Variants in THRB observed in about 807,000 individuals in gnomAD.
The protein encoded by THRB is thyroid hormone receptor beta.
Under a neutral mutation model 47.8 loss-of-function variants are expected in THRB, and 12 were observed. The observed-to-expected ratio is 0.25, with a 90% CI of 0.16 to 0.41. The LOEUF (loss-of-function observed/expected upper bound fraction) is 0.41. Ranked by LOEUF, THRB falls within the 10% of genes least tolerant of loss-of-function variation. THRB has a pLI of 1.00. For synonymous variants in THRB, 218 were observed against 212.2 expected (o/e 1.03, Z -0.24); for missense variants, 348 against 589.2 (o/e 0.59, Z 4.24).
intron 1 of THRB, among the ~76,000 whole-genome samples, chr3:24,463,307 C>G (rs772196237): frequency 5.3e-5 from 8 of 152,198 alleles, no homozygotes; most frequent in Non-Finnish European, 7.3e-5. Context: ...GTAGCCCAGG[C>G]TGGAATGCAG....
chr3:24,258,163 G>T (rs1317377723), intron 3 of THRB, among the ~76,000 whole-genome samples: 1 of 152,174 alleles, frequency 6.6e-6, no homozygotes. Flanking sequence ...AGGCACAGAG[G>T]CTGGGGCCTC....
chr3:24,333,289 TA>T (rs2149392981), intron 2 of THRB, among the ~76,000 whole-genome samples: 1 of 152,270 alleles, frequency 6.6e-6, no homozygotes, highest in African/African-American at 2.4e-5. Context: ...GGAATCTGAC[TA>T]CACACATGTT....
chr3:24,123,035 T>G lies in THRB; in HGVS notation c.1235A>C (p.His412Pro). ...AFEHYINYRK[H>P]HVTHFWPKLL... Reference sequence around the variant, plus strand: ...TTTTGGCCAAAAGTGTGTCACGTGGTGTTTTCGGTAATTGATATAGTGTTC... The same window carrying G: ...TTTTGGCCAAAAGTGTGTCACGTGGGGTTTTCGGTAATTGATATAGTGTTC... Residue 412 changes from histidine to proline, a missense_variant, in exon 11 of 11, where the codon CAC becomes CCC. By Grantham distance (77) the His-to-Pro change is moderately conservative. Transcript: ENST00000646209. The G allele has an allele frequency of 6.2e-7, 1 of 1,614,162 alleles. No individual in the cohort carries two copies. Among genetic ancestry groups the G allele is most frequent in the Non-Finnish European group, 8.5e-7 (1 of 1,180,026 alleles).
rs149647506 is a variant in THRB at position 24,474,486 on chromosome 3, C to T, written c.-261+20166G>A. Among the ~76,000 whole-genome samples, 45 of 152,262 alleles carry T rather than the reference C, an allele frequency of 3.0e-4. No homozygotes were observed. In the East Asian group the frequency reaches 7.7e-3, roughly 26 times the overall value. On this transcript the variant is annotated intron_variant, in intron 1 of 10. Transcript: ENST00000646209. Reference sequence around the variant, plus strand: ...CTTGTAATACTTCCAAACACATCAGCCCTAACAGTCACCAAAATCTACTGG... The same window carrying T: ...CTTGTAATACTTCCAAACACATCAGTCCTAACAGTCACCAAAATCTACTGG...
chr3:24,269,166 A>G (rs1219721748), intron 3 of THRB, among the ~76,000 whole-genome samples: 2 of 152,188 alleles, frequency 1.3e-5, no homozygotes, highest in African/African-American at 4.8e-5. Flanking sequence ...ATTTGATTAA[A>G]GTCACAGAAA....
At chr3:24,284,904 A>G (rs1358980467) in intron 3 of THRB, among the ~76,000 whole-genome samples, 3 of 152,222 alleles carry the variant, frequency 2.0e-5, no homozygotes, top group African/African-American at 7.2e-5. Context: ...ACCAGTTAGA[A>G]TGGCAATCAT....
chr3:24,261,921 C>T (rs897487368), intron 3 of THRB, among the ~76,000 whole-genome samples: 4 of 152,166 alleles, frequency 2.6e-5, no homozygotes, highest in Admixed American at 6.5e-5. Context: ...ACAAGACTTA[C>T]GCCTGGGATA....
At chr3:24,396,618 C>T (rs1341939653) in intron 1 of THRB, among the ~76,000 whole-genome samples, 5 of 152,074 alleles carry the variant, frequency 3.3e-5, no homozygotes, top group South Asian at 2.1e-4. Flanking sequence ...ACTGGGTGAG[C>T]GCTCTAAACT....
At chr3:24,144,354 C>T (rs1231426011) in intron 7 of THRB, 1 of 153,080 alleles carries the variant, frequency 6.5e-6, no homozygotes, top group Non-Finnish European at 1.5e-5. Flanking sequence ...AGAGTCCAGG[C>T]TTTGGAATCT....
chr3:24,270,709 G>C (rs2053237993), intron 3 of THRB, among the ~76,000 whole-genome samples: 1 of 152,228 alleles, frequency 6.6e-6, no homozygotes, highest in Non-Finnish European at 1.5e-5. Context: ...AGTGGGCAGA[G>C]TGAATTCTAG....
At position 24,434,212 on chromosome 3, in the gene THRB, G is replaced by C. The variant is rs79682832; in HGVS notation, c.-261+60440C>G. ...AATTTATGTTTAAAAAATATATTCG[G>C]TGTTTTACAAATGATGTTCTTGGCA... is the stretch of plus-strand genomic sequence containing the variant. On this transcript the variant is annotated intron_variant, in intron 1 of 10. Coordinates refer to ENST00000646209, the MANE Select transcript of THRB (RefSeq NM_001354712.2). Among the ~76,000 whole-genome samples the C allele has an allele frequency of 8.6e-3, 1,313 of 152,238 alleles. 6 individuals carry two copies. Among genetic ancestry groups the C allele is most frequent in the Non-Finnish European group, 0.014 (950 of 68,008 alleles).
At chr3:24,484,581 T>C (rs1165344192) in intron 1 of THRB, among the ~76,000 whole-genome samples, 2 of 152,212 alleles carry the variant, frequency 1.3e-5, no homozygotes, top group Admixed American at 1.3e-4. Flanking sequence ...ACTACATATA[T>C]GGCTCACGTT....
At chr3:24,234,410 C>A (rs543161173) in intron 3 of THRB, among the ~76,000 whole-genome samples, 17 of 152,098 alleles carry the variant, frequency 1.1e-4, no homozygotes, top group Non-Finnish European at 2.5e-4. Context: ...AAAGGAGACA[C>A]AAGAGCTATT....
At chr3:24,230,248 T>A (rs2048115937) in intron 3 of THRB, among the ~76,000 whole-genome samples, 1 of 152,226 alleles carries the variant, frequency 6.6e-6, no homozygotes, top group African/African-American at 2.4e-5. Flanking sequence ...CTGTGGAAAT[T>A]ACATGTTTAC....
intron 1 of THRB, among the ~76,000 whole-genome samples, chr3:24,469,478 T>C (rs2074398876): frequency 6.6e-6 from 1 of 152,210 alleles, no homozygotes; most frequent in African/African-American, 2.4e-5. Context: ...CAGGGAACCC[T>C]AGACAAGCTT....
chr3:24,129,917 C>G (rs1373479163), intron 9 of THRB, among the ~76,000 whole-genome samples: 1 of 152,172 alleles, frequency 6.6e-6, no homozygotes, highest in African/African-American at 2.4e-5. Context: ...TGGCGTGGAT[C>G]TTAGAACAAT....
At chr3:24,239,454 T>C (rs555517436) in intron 3 of THRB, among the ~76,000 whole-genome samples, 1 of 152,238 alleles carries the variant, frequency 6.6e-6, no homozygotes, top group African/African-American at 2.4e-5. Flanking sequence ...TAATCCATCA[T>C]ATTTGGGACA....
chr3:24,278,175 C>T (rs906071326), intron 3 of THRB, among the ~76,000 whole-genome samples: 4 of 152,154 alleles, frequency 2.6e-5, no homozygotes, highest in African/African-American at 9.7e-5. Context: ...CTTGCAAGTA[C>T]ATTTGTTCAC....
intron 3 of THRB, among the ~76,000 whole-genome samples, chr3:24,272,740 T>C (rs2053484342): frequency 6.6e-6 from 1 of 152,190 alleles, no homozygotes; most frequent in Admixed American, 6.5e-5. Flanking sequence ...TTCACCTAGC[T>C]GTAGTCACTT....
Sources: allele counts gnomAD v4.1 joint callset (sites outside exome capture counted in the v4.1 genomes callset), GRCh38; gene constraint gnomAD v4.1.1; transcripts MANE v1.5; gene names NCBI Gene and HGNC (gene_info 2026-07-23, HGNC 2026-07-21).